RALGPS2: variants seen among roughly 807,000 people sequenced by gnomAD.
RALGPS2 encodes ras-specific guanine nucleotide-releasing factor RalGPS2.
RALGPS2 carries 43 observed loss-of-function variants against 86.8 expected under a neutral mutation model. The ratio of observed to expected loss-of-function variants is 0.50; its 90% CI spans 0.39 to 0.64. RALGPS2 has a LOEUF of 0.64. RALGPS2 is among the 30% of genes least tolerant of loss of function. The pLI is 0.00. For synonymous variants in RALGPS2, 243 were observed against 231.3 expected (o/e 1.05, Z -0.46); for missense variants, 536 against 694.6 (o/e 0.77, Z 2.57).
At chr1:178,889,725 T>C (rs1165407134) in intron 14 of RALGPS2, 29 bp downstream of exon 14, 2 of 1,532,530 alleles carry the variant, frequency 1.3e-6, no homozygotes, top group East Asian at 4.5e-5. Flanking sequence ...TTGAACTACT[T>C]GGAGTTTATT....
intron 4 of RALGPS2, among the ~76,000 whole-genome samples, chr1:178,800,889 A>G (rs1214766710): frequency 6.6e-6 from 1 of 151,996 alleles, no homozygotes; most frequent in Non-Finnish European, 1.5e-5. Flanking sequence ...TGAATCACCT[A>G]TAAACCCCAA....
chr1:178,730,694 G>GT (rs770709282), intron 1 of RALGPS2, among the ~76,000 whole-genome samples: 393 of 136,240 alleles, frequency 2.9e-3, no homozygotes, highest in Middle Eastern at 0.02. Flanking sequence ...TGAGAATTCT[G>GT]TTTTTTTTTT....
chr1:178,811,348 G>T lies in RALGPS2; in HGVS notation c.331G>T (p.Ala111Ser), dbSNP rs1654966092. ...TTGGGTTGTTAGAGAGATTCTTCATGCTCAAACATTAAAAATTAGAGCAGA... is the reference window on the plus strand; with the variant it reads ...TTGGGTTGTTAGAGAGATTCTTCATTCTCAAACATTAAAAATTAGAGCAGA... ...SFWVVREILH[A>S]QTLKIRAEVL... The change falls in exon 6 of 20, where the codon GCT becomes TCT. Residue 111 changes from alanine to serine, a missense_variant. Around this residue, in one of 3 missense-constraint regions of RALGPS2, gnomAD observed 184 missense variants for 296.7 expected, o/e 0.62. Transcript: ENST00000367635. The T allele has an allele frequency of 6.5e-7, 1 of 1,548,880 alleles. No homozygotes were observed. The highest frequency in any genetic ancestry group is 8.6e-7 in the Non-Finnish European group (1 of 1,157,336).
chr1:178,888,065 T>C (rs1659565217), intron 13 of RALGPS2, among the ~76,000 whole-genome samples: 1 of 152,184 alleles, frequency 6.6e-6, no homozygotes, highest in African/African-American at 2.4e-5. Flanking sequence ...ACCAAAAGAT[T>C]ATTGTTTAGT....
intron 8 of RALGPS2, among the ~76,000 whole-genome samples, chr1:178,866,144 G>C (rs1263937579): frequency 6.6e-6 from 1 of 152,046 alleles, no homozygotes; most frequent in Admixed American, 6.6e-5. Context: ...TGATAAGATA[G>C]CTTTCTTACC....
At chr1:178,829,744 A>T (rs902541120) in intron 7 of RALGPS2, among the ~76,000 whole-genome samples, 1 of 151,652 alleles carries the variant, frequency 6.6e-6, no homozygotes, top group African/African-American at 2.4e-5. Flanking sequence ...TTTATTATTT[A>T]TTTATTTTTA....
intron 1 of RALGPS2, among the ~76,000 whole-genome samples, chr1:178,752,459 G>T (rs1277666824): frequency 1.3e-5 from 2 of 151,934 alleles, no homozygotes; most frequent in Admixed American, 1.3e-4. Context: ...CATGTTGCCT[G>T]GCCATAGTAG....
At chr1:178,888,006 A>T (rs1238782414) in intron 13 of RALGPS2, among the ~76,000 whole-genome samples, 1 of 152,166 alleles carries the variant, frequency 6.6e-6, no homozygotes, top group Non-Finnish European at 1.5e-5. Flanking sequence ...TATAATGAGA[A>T]TTATTCTGTA....
chr1:178,874,695 C>T (rs1658921983), intron 8 of RALGPS2, among the ~76,000 whole-genome samples: 1 of 152,180 alleles, frequency 6.6e-6, no homozygotes, highest in Admixed American at 6.5e-5. Context: ...CTTGAGGAAT[C>T]TTTTAGCTCT....
rs1240193839 is a variant in RALGPS2 at position 178,919,806 on chromosome 1, C to T, written c.*3447C>T. The T allele has an allele frequency of 1.3e-5, 2 of 152,000 alleles. No homozygotes were observed. The highest frequency in any genetic ancestry group is 2.4e-5 in the African/African-American group (1 of 41,450). 9.4% of individuals were successfully genotyped at this position (152,000 alleles called of 1,614,324 possible). A position where few individuals can be genotyped will look rare whatever the true frequency, so the allele number is the denominator to read the frequency against. ...TTTACAACCAGTGTTTAAACCACCACGTAATCATCTTCTGCAAACAAGGGG... is the reference window on the plus strand; with the variant it reads ...TTTACAACCAGTGTTTAAACCACCATGTAATCATCTTCTGCAAACAAGGGG... On this transcript the variant is annotated 3_prime_UTR_variant, in exon 20 of 20. Transcript: ENST00000367635.
At chr1:178,865,414 C>G in intron 8 of RALGPS2, 1 of 1,613,990 alleles carries the variant, frequency 6.2e-7, no homozygotes, top group Non-Finnish European at 8.5e-7. Context: ...TACGGCTTTC[C>G]TTTCTCAGCA....
At chr1:178,865,870 G>T in intron 8 of RALGPS2, 1 of 966,652 alleles carries the variant, frequency 1.0e-6, no homozygotes, top group Non-Finnish European at 1.5e-6. Context: ...GTTAAAGTCA[G>T]TAATCTTAAA....
At chr1:178,856,041 A>G (rs956397892) in intron 8 of RALGPS2, among the ~76,000 whole-genome samples, 1 of 149,158 alleles carries the variant, frequency 6.7e-6, no homozygotes, top group African/African-American at 2.4e-5. Flanking sequence ...CTGATTGTCA[A>G]ATTTTATATT....
At chr1:178,885,329 C>T in intron 12 of RALGPS2, 118 bp downstream of exon 12, 1 of 989,878 alleles carries the variant, frequency 1.0e-6, no homozygotes, top group African/African-American at 1.7e-5. Flanking sequence ...TTCTTAATAG[C>T]TGTTTTCTGA....
intron 8 of RALGPS2, among the ~76,000 whole-genome samples, chr1:178,843,331 T>G (rs1656690942): frequency 7.1e-6 from 1 of 141,652 alleles, no homozygotes; most frequent in African/African-American, 2.7e-5. Flanking sequence ...CCATAAAAAA[T>G]GATGAGTTCA....
intron 8 of RALGPS2, among the ~76,000 whole-genome samples, chr1:178,861,140 G>C (rs1157388431): frequency 2.0e-5 from 3 of 151,942 alleles, no homozygotes; most frequent in African/African-American, 7.3e-5. Flanking sequence ...AGAACCAGGT[G>C]TTCTTAATTC....
rs1354598740 is a variant in RALGPS2, at chr1:178,752,536, C to G, written c.-83-24146C>G. Among the ~76,000 whole-genome samples the G allele has an allele frequency of 2.0e-5, 3 of 151,948 alleles. No homozygotes were observed. In the East Asian group the frequency reaches 5.8e-4, roughly 29 times the overall value. On this transcript the variant is annotated intron_variant, in intron 1 of 19. Transcript: ENST00000367635. ...CTGGTGATCAAAGAGAAGCAAAAAG[C>G]AATAGCTGTAGAAGGAAGAATTTAG...
rs77558244 is a variant in RALGPS2 at position 178,732,983 on chromosome 1, G to A, written c.-84+7564G>A. Among the ~76,000 whole-genome samples, 910 of 152,174 alleles carry A rather than the reference G, an allele frequency of 6.0e-3. 15 individuals carry two copies. Among genetic ancestry groups the A allele is most frequent in the African/African-American group, 0.021 (882 of 41,524 alleles). On this transcript the variant is annotated intron_variant, in intron 1 of 19. Transcript: ENST00000367635. ...CTACATTTATCAGTGAGGTTTACAT[G>A]GGTATATTTTGAATTCAAAGTTTCG...
intron 19 of RALGPS2, among the ~76,000 whole-genome samples, chr1:178,914,615 G>A (rs1660742511): frequency 6.6e-6 from 1 of 151,892 alleles, no homozygotes; most frequent in Admixed American, 6.6e-5. Context: ...GATCTCTCTT[G>A]GTGGGAGAAG....
Sources: allele counts gnomAD v4.1 joint callset (sites outside exome capture counted in the v4.1 genomes callset), GRCh38; gene constraint gnomAD v4.1.1; regional missense constraint gnomAD v4.1.1; transcripts MANE v1.5; gene names NCBI Gene and HGNC (gene_info 2026-07-23, HGNC 2026-07-21).